Variants in WAC observed in about 807,000 individuals in gnomAD.
WAC encodes WW domain-containing adapter protein with coiled-coil.
In WAC, 11 loss-of-function variants were observed where a neutral mutation model predicts 79.6. That is an observed-to-expected ratio of 0.14 (90% CI 0.09 to 0.23). The LOEUF (loss-of-function observed/expected upper bound fraction) is 0.23, where lower values mean the gene tolerates loss of function less well. Ranked by LOEUF, WAC falls within the 10% of genes least tolerant of loss-of-function variation. WAC has a pLI of 1.00. For synonymous variants in WAC, 304 were observed against 276.9 expected, an observed-to-expected ratio of 1.10 and a Z score of -0.97; for missense variants, 728 against 773.5, an observed-to-expected ratio of 0.94 and a Z score of 0.70.
chr10:28,568,745 C>T (rs1487783141), intron 3 of WAC, among the ~76,000 whole-genome samples: 2 of 152,062 alleles, frequency 1.3e-5, no homozygotes, highest in East Asian at 3.9e-4. Flanking sequence ...TTATGTCAGG[C>T]TTATTTATTA....
Position 28,535,542 on chromosome 10 carries a change from G to T in WAC, c.79-20G>T. 3 of 1,520,394 alleles carry T rather than the reference G, an allele frequency of 2.0e-6. No individual in the cohort carries two copies. The highest frequency in any genetic ancestry group is 1.3e-5 in the South Asian group (1 of 78,864). The allele number at this position is 1,520,394 out of a possible 1,614,324, so 94.2% of individuals were successfully genotyped here. On this transcript the variant is annotated intron_variant, in intron 2 of 13. Transcript: ENST00000354911. ...GTTTCAATTCTTTCTCTCTTTTTTTGGGGGGGTGATGTTTTACAGGCACTT... is the reference window on the plus strand; with the variant it reads ...GTTTCAATTCTTTCTCTCTTTTTTTTGGGGGGTGATGTTTTACAGGCACTT...
intron 6 of WAC, 30 bp from the exon 7 acceptor site, chr10:28,595,703 A>T: frequency 6.3e-7 from 1 of 1,596,600 alleles, no homozygotes; most frequent in South Asian, 1.1e-5. Flanking sequence ...TGTCATTCCA[A>T]CATCTGTTTT....
At chr10:28,561,906 A>G (rs1335204485) in intron 3 of WAC, among the ~76,000 whole-genome samples, 3 of 152,122 alleles carry the variant, frequency 2.0e-5, no homozygotes, top group Admixed American at 6.6e-5. Context: ...TTCACCCCAA[A>G]ACCATCAACA....
intron 6 of WAC, among the ~76,000 whole-genome samples, chr10:28,592,282 G>T (rs187726700): frequency 3.3e-5 from 5 of 152,254 alleles, no homozygotes; most frequent in Admixed American, 1.3e-4. Context: ...GTTGCACCCA[G>T]CTTGTGGGTT....
chr10:28,611,081 T>G (rs1382595820), intron 9 of WAC: 1 of 557,016 alleles, frequency 1.8e-6, no homozygotes, highest in Non-Finnish European at 2.9e-6. Flanking sequence ...AGTATTTAAT[T>G]CAGACTTTGT....
At chr10:28,570,994 T>TC (rs1838929287) in intron 3 of WAC, among the ~76,000 whole-genome samples, 1 of 114,366 alleles carries the variant, frequency 8.7e-6, no homozygotes, top group African/African-American at 3.4e-5. Flanking sequence ...TCTCACTCTG[T>TC]CACCCAGGCT....
At chr10:28,534,067 A>G in intron 2 of WAC, 33 bp downstream of exon 2, 1 of 1,551,462 alleles carries the variant, frequency 6.4e-7, no homozygotes, top group East Asian at 2.5e-5. Context: ...AGGGATTGGA[A>G]GGGGCCGGAG....
chr10:28,604,671 G>C (rs1218157668), intron 7 of WAC, among the ~76,000 whole-genome samples: 1 of 152,180 alleles, frequency 6.6e-6, no homozygotes, highest in Non-Finnish European at 1.5e-5. Context: ...AGTGAGCCAA[G>C]ATCACGCCAC....
chr10:28,578,431 C>T (rs1347148831), intron 3 of WAC, among the ~76,000 whole-genome samples: 1 of 152,082 alleles, frequency 6.6e-6, no homozygotes, highest in Admixed American at 6.6e-5. Flanking sequence ...GTAATAAATT[C>T]TGGCGGTTGT....
chr10:28,599,396 G>A (rs1423162167), intron 7 of WAC, among the ~76,000 whole-genome samples: 1 of 152,190 alleles, frequency 6.6e-6, no homozygotes, highest in African/African-American at 2.4e-5. Context: ...ATAATAGGCA[G>A]TGTGTAAATA....
At chr10:28,557,728 G>A (rs563416313) in intron 3 of WAC, among the ~76,000 whole-genome samples, 133 of 152,120 alleles carry the variant, frequency 8.7e-4, no homozygotes, top group Admixed American at 2.4e-3. Flanking sequence ...TATTAAAATG[G>A]TCCTGGAATG....
At chr10:28,564,329 CTGT>C (rs1438083067) in intron 3 of WAC, among the ~76,000 whole-genome samples, 1 of 152,114 alleles carries the variant, frequency 6.6e-6, no homozygotes, top group Non-Finnish European at 1.5e-5. Flanking sequence ...TGGTCAGATA[CTGT>C]TGTTGTAGCT....
chr10:28,593,741 A>T (rs1380332232), intron 6 of WAC, among the ~76,000 whole-genome samples: 2 of 152,138 alleles, frequency 1.3e-5, no homozygotes, highest in Non-Finnish European at 2.9e-5. Flanking sequence ...AAAAAAAAAA[A>T]AATAAAATAT....
rs557607725 is a variant in WAC, at chr10:28,583,267, T to G, written c.275-132T>G. Reference sequence around the variant, plus strand: ...ATATACTATAAAAAGTATGACTGTGTATATATTCCTAATGCTTATGTAAGA... The same window carrying G: ...ATATACTATAAAAAGTATGACTGTGGATATATTCCTAATGCTTATGTAAGA... On this transcript the variant is annotated intron_variant, in intron 3 of 13. Transcript: ENST00000354911. The G allele has an allele frequency of 9.9e-6, 6 of 603,870 alleles. No homozygotes were observed. The East Asian group carries it at 1.8e-4, about 19-fold the overall frequency. 37.4% of individuals were successfully genotyped at this position (603,870 alleles called of 1,614,324 possible). A position where few individuals can be genotyped will look rare whatever the true frequency, so the allele number is the denominator to read the frequency against.
rs111306942 is a variant in WAC at position 28,572,799 on chromosome 10, G to A, written c.275-10600G>A. 7.7e-3 allele frequency among the ~76,000 whole-genome samples: 1,165 copies of A among 152,246 alleles called. 21 individuals carry two copies. Among genetic ancestry groups the A allele is most frequent in the African/African-American group, 0.027 (1,111 of 41,544 alleles). On this transcript the variant is annotated intron_variant, in intron 3 of 13. Coordinates refer to ENST00000354911, the MANE Select transcript of WAC (RefSeq NM_016628.5). ...GCACTCCAGCCTTGGCGATGAGAGCGAAACTCAGTCTCAGCAACAACAACA... is the reference window on the plus strand; with the variant it reads ...GCACTCCAGCCTTGGCGATGAGAGCAAAACTCAGTCTCAGCAACAACAACA...
At chr10:28,615,984 C>T in intron 11 of WAC, 189 bp from the exon 12 acceptor site, 1 of 462,062 alleles carries the variant, frequency 2.2e-6, no homozygotes, top group East Asian at 3.3e-5. Flanking sequence ...GGGTTTTTTC[C>T]CCCTAAAGTG....
In WAC at chr10:28,533,543, C is replaced by T. The variant is rs1240977883; in HGVS notation, c.-37C>T. The T allele has an allele frequency of 1.5e-6, 2 of 1,349,320 alleles. No homozygotes were observed. The highest frequency in any genetic ancestry group is 1.9e-6 in the Non-Finnish European group (2 of 1,026,688). 83.6% of individuals were successfully genotyped at this position (1,349,320 alleles called of 1,614,324 possible). A position where few individuals can be genotyped will look rare whatever the true frequency, so the allele number is the denominator to read the frequency against. On this transcript the variant is annotated 5_prime_UTR_variant, in exon 1 of 14. Coordinates refer to ENST00000354911, the MANE Select transcript of WAC (RefSeq NM_016628.5). Reference sequence around the variant, plus strand: ...CCCGCCCGCCTTTCGCGGCCGCTCTCCCCCCTCCCCGACACACACTCACAG... The same window carrying T: ...CCCGCCCGCCTTTCGCGGCCGCTCTTCCCCCTCCCCGACACACACTCACAG...
chr10:28,586,880 A>G (rs890356808), intron 4 of WAC, among the ~76,000 whole-genome samples: 1 of 152,238 alleles, frequency 6.6e-6, no homozygotes, highest in Admixed American at 6.5e-5. Context: ...ATTTGCTGGG[A>G]TGTGCTTAAG....
At chr10:28,569,282 G>C (rs1264646153) in intron 3 of WAC, among the ~76,000 whole-genome samples, 5 of 152,110 alleles carry the variant, frequency 3.3e-5, no homozygotes, top group Non-Finnish European at 5.9e-5. Context: ...TTTCGTTCTT[G>C]TGCCTGGTGG....
Sources: allele counts gnomAD v4.1 joint callset (sites outside exome capture counted in the v4.1 genomes callset), GRCh38; gene constraint gnomAD v4.1.1; transcripts MANE v1.5; gene names NCBI Gene and HGNC (gene_info 2026-07-23, HGNC 2026-07-21).